Variants in SPATA6 observed in about 807,000 individuals in gnomAD.
SPATA6 encodes the protein spermatogenesis associated 6, also known as spermatogenesis-associated protein 6.
In SPATA6, 56 loss-of-function variants were observed where a neutral mutation model predicts 65.3. The ratio of observed to expected loss-of-function variants is 0.86; its 90% confidence interval spans 0.69 to 1.07. The LOEUF (loss-of-function observed/expected upper bound fraction) is 1.07. Ranked by LOEUF, SPATA6 falls within the 50% of genes least tolerant of loss-of-function variation. The pLI, the probability that SPATA6 is intolerant of heterozygous loss-of-function variation, is 0.00. For missense variants in SPATA6, 590 were observed against 594.8 expected (o/e 0.99, Z 0.08); for synonymous variants, 199 against 213.2 (o/e 0.93, Z 0.58).
At chr1:48,416,865 GA>G (rs1406403277) in intron 3 of SPATA6, among the ~76,000 whole-genome samples, 6 of 151,704 alleles carry the variant, frequency 4.0e-5, no homozygotes, top group African/African-American at 9.7e-5. Context: ...GAATAAAAGA[GA>G]AAAAAAGGTG....
the SPATA6 span, among the ~76,000 whole-genome samples, chr1:48,277,053 T>C: frequency 6.7e-6 from 1 of 149,426 alleles, no homozygotes; most frequent in Non-Finnish European, 1.5e-5. Flanking sequence ...ACTCTTCTTG[T>C]TGCATTGATC....
chr1:48,442,718 A>G (rs913862358), intron 3 of SPATA6, among the ~76,000 whole-genome samples: 1 of 12,962 alleles, frequency 7.7e-5, no homozygotes, highest in Non-Finnish European at 2.3e-4. Context: ...TGGAAGTAGT[A>G]AAAAAAAAAA....
chr1:48,463,495 A>T (rs1375345103), intron 1 of SPATA6, among the ~76,000 whole-genome samples: 1 of 152,190 alleles, frequency 6.6e-6, no homozygotes, highest in Admixed American at 6.5e-5. Context: ...AATGATTTTA[A>T]AACATTATCA....
intron 11 of SPATA6, among the ~76,000 whole-genome samples, chr1:48,340,251 A>C (rs1646175739): frequency 1.6e-5 from 1 of 62,674 alleles, no homozygotes; most frequent in African/African-American, 3.0e-5. Flanking sequence ...TAAAAAAAAA[A>C]AAAAAAAAAA....
chr1:48,268,662 CAT>C, the SPATA6 span, among the ~76,000 whole-genome samples: 2 of 152,072 alleles, frequency 1.3e-5, no homozygotes, highest in African/African-American at 4.8e-5. Flanking sequence ...AACTGTATAA[CAT>C]ATAAATGGAT....
chr1:48,459,976 A>G (rs560997120), intron 1 of SPATA6, among the ~76,000 whole-genome samples: 1 of 150,036 alleles, frequency 6.7e-6, no homozygotes, highest in South Asian at 2.1e-4. Flanking sequence ...TAATTAAGTC[A>G]TTTTTTTTTT....
chr1:48,414,249 A>G (rs1652552029), intron 3 of SPATA6, among the ~76,000 whole-genome samples: 1 of 152,192 alleles, frequency 6.6e-6, no homozygotes, highest in African/African-American at 2.4e-5. Flanking sequence ...TTCTCACTAT[A>G]AATACTGGAG....
In SPATA6 at chr1:48,413,145, G is replaced by T; in HGVS notation, c.245C>A (p.Thr82Lys). 1 of 1,420,254 alleles carries T rather than the reference G, an allele frequency of 7.0e-7. No homozygotes were observed. The highest frequency in any genetic ancestry group is 9.2e-7 in the Non-Finnish European group (1 of 1,085,264). 88.0% of individuals were successfully genotyped at this position (1,420,254 alleles called of 1,614,324 possible). A position where few individuals can be genotyped will look rare whatever the true frequency, so the allele number is the denominator to read the frequency against. Reference sequence around the variant, plus strand: ...TAGCTGTATCAACTCGAACACTGCTGTATCATCTAAAAGTTTAAAGAAAAA... The same window carrying T: ...TAGCTGTATCAACTCGAACACTGCTTTATCATCTAAAAGTTTAAAGAAAAA... ...GDVVTQLEYD[T>K]AVFELIQLVP... The change falls in exon 4 of 13, where the codon ACA becomes AAA. Residue 82 changes from threonine to lysine, a missense_variant. By Grantham distance (78) the Thr-to-Lys change is moderately conservative. Coordinates refer to ENST00000371847, the MANE Select transcript of SPATA6 (RefSeq NM_019073.4).
chr1:48,399,607 G>A lies in SPATA6; in HGVS notation c.524C>T (p.Ser175Leu), dbSNP rs951047738. The A allele has an allele frequency of 3.0e-5, 48 of 1,603,682 alleles. No homozygotes were observed. The highest frequency in any genetic ancestry group is 4.0e-5 in the Non-Finnish European group (47 of 1,174,426). ...TGTTCTGTTTTGCAGTCTGCCATGT[G>A]ATTTTTCAACTGGAGCCAAATGGTA... ...FIYHLAPVEK[S>L]HGRLQNRTSR... The change falls in exon 7 of 13, where the codon TCA (serine) becomes TTA (leucine). Residue 175 changes from serine (S) to leucine (L), a missense_variant. Ser to Leu is a moderately radical substitution (Grantham distance 145, BLOSUM62 -2). Transcript: ENST00000371847.
intron 10 of SPATA6, among the ~76,000 whole-genome samples, chr1:48,357,208 C>G (rs761512309): frequency 2.9e-4 from 44 of 152,142 alleles, no homozygotes; most frequent in Non-Finnish European, 4.6e-4. Flanking sequence ...ATTTCTTGGT[C>G]TAATTTGAGT....
chr1:48,413,984 G>A (rs900174472), intron 3 of SPATA6, among the ~76,000 whole-genome samples: 9 of 152,082 alleles, frequency 5.9e-5, no homozygotes, highest in African/African-American at 1.9e-4. Flanking sequence ...TGTTTGAAAC[G>A]GAATGCAACC....
chr1:48,402,387 T>C (rs1651248879), intron 6 of SPATA6, among the ~76,000 whole-genome samples: 1 of 151,994 alleles, frequency 6.6e-6, no homozygotes, highest in Admixed American at 6.6e-5. Context: ...TACTCCAGCG[T>C]GAAGAAAAAA....
At chr1:48,371,932 G>A (rs1470148118) in intron 9 of SPATA6, among the ~76,000 whole-genome samples, 1 of 152,138 alleles carries the variant, frequency 6.6e-6, no homozygotes, top group African/African-American at 2.4e-5. Context: ...CATGAGAGCA[G>A]CATGGGAAAG....
In SPATA6 at chr1:48,311,770, C is replaced by T. The variant is rs115204346; in HGVS notation, c.1195-5892G>A. 8.6e-3 allele frequency among the ~76,000 whole-genome samples: 1,303 copies of T among 152,298 alleles called. 22 individuals carry two copies. The highest frequency in any genetic ancestry group is 0.03 in the African/African-American group (1,262 of 41,562). Reference sequence around the variant, plus strand: ...GAGCGTGAGCCGAAGCAGGGCAAGGCATCACCTCCCCCGGGAAGTACAAGG... The same window carrying T: ...GAGCGTGAGCCGAAGCAGGGCAAGGTATCACCTCCCCCGGGAAGTACAAGG... On this transcript the variant is annotated intron_variant, in intron 11 of 12. Transcript: ENST00000371847.
chr1:48,294,682 G>C (rs1190276689), downstream of SPATA6, among the ~76,000 whole-genome samples: 1 of 152,108 alleles, frequency 6.6e-6, no homozygotes, highest in Non-Finnish European at 1.5e-5. Flanking sequence ...TCAATATTTA[G>C]TTTATTCCAC....
chr1:48,439,516 G>A lies in SPATA6; in HGVS notation c.238+12036C>T, dbSNP rs190596024. On this transcript the variant is annotated intron_variant, in intron 3 of 12. Coordinates refer to ENST00000371847, the MANE Select transcript of SPATA6 (RefSeq NM_019073.4). The stretch of plus-strand genomic sequence containing the variant: ...CTGCATCAGTGAGTGCAACTAGTCC[G>A]ATCAGCAGGGTCCAGGGACCATTTG... Among the ~76,000 whole-genome samples the A allele has an allele frequency of 2.4e-3, 366 of 151,998 alleles. 1 individual carries two copies. Among genetic ancestry groups the A allele is most frequent in the African/African-American group, 8.0e-3 (331 of 41,452 alleles).
intron 9 of SPATA6, among the ~76,000 whole-genome samples, chr1:48,363,883 G>T (rs191452148): frequency 1.0e-3 from 158 of 151,878 alleles, no homozygotes; most frequent in African/African-American, 3.7e-3. Flanking sequence ...CATGTGCCAT[G>T]CTGGTGTACT....
intron 3 of SPATA6, among the ~76,000 whole-genome samples, chr1:48,429,645 C>T (rs1570549461): frequency 6.6e-6 from 1 of 152,016 alleles, no homozygotes; most frequent in East Asian, 1.9e-4. Context: ...AATAAATCGG[C>T]AGAAACTACC....
At chr1:48,313,573 C>T (rs181897702) in intron 11 of SPATA6, among the ~76,000 whole-genome samples, 3 of 152,218 alleles carry the variant, frequency 2.0e-5, no homozygotes, top group Admixed American at 1.3e-4. Flanking sequence ...ACAACTGGTA[C>T]CAGCCACTGC....
Sources: allele counts gnomAD v4.1 joint callset (sites outside exome capture counted in the v4.1 genomes callset), GRCh38; gene constraint gnomAD v4.1.1; transcripts MANE v1.5; gene names NCBI Gene and HGNC (gene_info 2026-07-23, HGNC 2026-07-21).